CDH13: variants seen among roughly 807,000 people sequenced by gnomAD.
CDH13 encodes the protein cadherin 13, also known as cadherin-13.
A neutral mutation model predicts 63.8 loss-of-function variants in CDH13; 24 were observed. That is an observed-to-expected ratio of 0.38 (90% CI 0.27 to 0.53). The LOEUF is 0.53. Among genes scored for constraint, CDH13 ranks in the 20% least tolerant of loss-of-function variants. The pLI is 0.85. For missense variants in CDH13, 1,049 were observed against 903.1 expected, an observed-to-expected ratio of 1.16 and a Z score of -2.07; for synonymous variants, 503 against 355.3, an observed-to-expected ratio of 1.42 and a Z score of -4.67.
chr16:83,180,874 C>T (rs1414617487), intron 4 of CDH13: 9 of 1,521,792 alleles, frequency 5.9e-6, no homozygotes, highest in East Asian at 2.4e-5. Flanking sequence ...TTACAGAGAA[C>T]CCACAATCCT....
intron 2 of CDH13, among the ~76,000 whole-genome samples, chr16:82,896,429 G>A (rs114095702): frequency 0.017 from 2,627 of 151,732 alleles, 74 homozygotes; most frequent in African/African-American, 0.059. Flanking sequence ...GAGAAGCTGG[G>A]ACTACAGGGG....
chr16:83,404,222 A>G (rs1486988646), intron 6 of CDH13, among the ~76,000 whole-genome samples: 1 of 152,212 alleles, frequency 6.6e-6, no homozygotes, highest in Non-Finnish European at 1.5e-5. Context: ...AACTTTTGGC[A>G]TCCTTTGCTC....
intron 6 of CDH13, among the ~76,000 whole-genome samples, chr16:83,410,751 G>T (rs1235889256): frequency 6.6e-6 from 1 of 152,064 alleles, no homozygotes; most frequent in African/African-American, 2.4e-5. Flanking sequence ...ATTTAATTAT[G>T]TTCAAGTAAC....
At chr16:83,643,726 A>G (rs1429470059) in intron 8 of CDH13, among the ~76,000 whole-genome samples, 1 of 152,214 alleles carries the variant, frequency 6.6e-6, no homozygotes, top group Non-Finnish European at 1.5e-5. Flanking sequence ...GGGTTCTTCC[A>G]TCACTCAGTC....
intron 6 of CDH13, among the ~76,000 whole-genome samples, chr16:83,398,987 C>A (rs889690903): frequency 6.6e-6 from 1 of 152,178 alleles, no homozygotes; most frequent in African/African-American, 2.4e-5. Context: ...ACAACAATGG[C>A]TGTTTCATAT....
chr16:82,951,478 G>A (rs567879500), intron 2 of CDH13, among the ~76,000 whole-genome samples: 1 of 152,194 alleles, frequency 6.6e-6, no homozygotes, highest in Non-Finnish European at 1.5e-5. Context: ...CGAGGACACA[G>A]CTCACCATGA....
intron 1 of CDH13, among the ~76,000 whole-genome samples, chr16:82,791,483 C>T (rs955949319): frequency 6.6e-6 from 1 of 152,130 alleles, no homozygotes; most frequent in African/African-American, 2.4e-5. Flanking sequence ...TGTGGTAACC[C>T]CCTTTGGGTC....
At chr16:83,392,492 G>A (rs1018272288) in intron 6 of CDH13, among the ~76,000 whole-genome samples, 5 of 152,082 alleles carry the variant, frequency 3.3e-5, no homozygotes, top group Non-Finnish European at 5.9e-5. Context: ...AATTATCATC[G>A]TAATGACTCC....
intron 13 of CDH13, among the ~76,000 whole-genome samples, chr16:83,791,492 T>C (rs1916260959): frequency 6.6e-6 from 1 of 150,898 alleles, no homozygotes; most frequent in Admixed American, 6.6e-5. Context: ...TGAGAATCCA[T>C]CTCAAAAAAA....
rs145519267 is a variant in CDH13, at chr16:83,572,175, G to GTTGTGTGTGT, written c.961-30279_961-30278insTTGTGTGTGT. Reference sequence around the variant, plus strand: ...GGTATTTTTTATTCCACTTTCCTGTGGTGTGTGTGTGTGTGTGTGTGTGTG... The same window carrying GTTGTGTGTGT: ...GGTATTTTTTATTCCACTTTCCTGTGTTGTGTGTGTGTGTGTGTGTGTGTGTGTGTGTGTG... On this transcript the variant is annotated intron_variant, in intron 7 of 13. Transcript: ENST00000567109. 1.6e-3 allele frequency among the ~76,000 whole-genome samples: 231 copies of GTTGTGTGTGT among 145,690 alleles called. 2 individuals are homozygous for GTTGTGTGTGT. The highest frequency in any genetic ancestry group is 5.6e-3 in the African/African-American group (221 of 39,218).
At chr16:83,767,058 G>A (rs923044012) in intron 11 of CDH13, among the ~76,000 whole-genome samples, 3 of 152,140 alleles carry the variant, frequency 2.0e-5, no homozygotes, top group Non-Finnish European at 4.4e-5. Flanking sequence ...ATTCTTTATA[G>A]CAGCATGAGA....
chr16:83,063,213 C>T (rs1032979573), intron 3 of CDH13, among the ~76,000 whole-genome samples: 10 of 152,158 alleles, frequency 6.6e-5, no homozygotes, highest in African/African-American at 2.4e-4. Flanking sequence ...CCACCCACCT[C>T]AGCCTCCCAA....
intron 7 of CDH13, among the ~76,000 whole-genome samples, chr16:83,490,436 G>C (rs77553933): frequency 1.3e-5 from 2 of 152,124 alleles, no homozygotes; most frequent in South Asian, 2.1e-4. Context: ...TGTCACTTTG[G>C]TTGTTATCCT....
At chr16:83,077,912 G>C (rs2032962413) in intron 3 of CDH13, among the ~76,000 whole-genome samples, 1 of 152,130 alleles carries the variant, frequency 6.6e-6, no homozygotes. Flanking sequence ...GTGTGTAGTG[G>C]CATCCCATTG....
intron 1 of CDH13, among the ~76,000 whole-genome samples, chr16:82,708,549 C>T (rs576832407): frequency 6.6e-6 from 1 of 152,276 alleles, no homozygotes; most frequent in East Asian, 1.9e-4. Context: ...GGATCTGGCC[C>T]CAGATAGTAT....
chr16:83,307,732 A>C (rs1377963195), intron 5 of CDH13, among the ~76,000 whole-genome samples: 3 of 152,180 alleles, frequency 2.0e-5, no homozygotes, highest in Admixed American at 2.0e-4. Context: ...CCTTCTTTTG[A>C]TTGTGAGACT....
intron 4 of CDH13, among the ~76,000 whole-genome samples, chr16:83,216,427 T>TATATATATATATATATAA (rs71148821): frequency 0.069 from 3,079 of 44,926 alleles, 883 homozygotes; most frequent in Non-Finnish European, 0.11. Context: ...TATATATATA[T>TATATATATATATATATAA]ATATATATAT....
chr16:83,602,107 CAAAAAAAAAAAAAAAAAA>C (rs869202510), intron 7 of CDH13, among the ~76,000 whole-genome samples: 4 of 7,958 alleles, frequency 5.0e-4, no homozygotes, highest in African/African-American at 1.6e-3. Flanking sequence ...AGAACAACAA[CAAAAAAAAAAAAAAAAAA>C]AAAAAAAAAA....
At chr16:82,944,152 C>G (rs1457250229) in intron 2 of CDH13, among the ~76,000 whole-genome samples, 4 of 152,166 alleles carry the variant, frequency 2.6e-5, no homozygotes, top group African/African-American at 9.7e-5. Context: ...CTTAGGAGAA[C>G]TGAGAATACA....
Sources: allele counts gnomAD v4.1 joint callset (sites outside exome capture counted in the v4.1 genomes callset), GRCh38; gene constraint gnomAD v4.1.1; transcripts MANE v1.5; gene names NCBI Gene and HGNC (gene_info 2026-07-23, HGNC 2026-07-21).